Variants in CFAP45 observed in about 807,000 individuals in gnomAD.
The protein encoded by CFAP45 is cilia- and flagella-associated protein 45.
Under a neutral mutation model 75.6 loss-of-function variants are expected in CFAP45, and 43 were observed. The observed-to-expected ratio is 0.57, with a 90% CI of 0.45 to 0.73. The LOEUF is 0.73. CFAP45 is among the 30% of genes least tolerant of loss of function. CFAP45 has a pLI of 0.00. For missense variants in CFAP45, 689 were observed against 701.5 expected, an observed-to-expected ratio of 0.98 and a Z score of 0.20; for synonymous variants, 223 against 244.6, an observed-to-expected ratio of 0.91 and a Z score of 0.82.
chr1:159,895,692 T>A (rs904013942), intron 1 of CFAP45, among the ~76,000 whole-genome samples: 3 of 152,216 alleles, frequency 2.0e-5, no homozygotes, highest in African/African-American at 7.2e-5. Flanking sequence ...GGATGCCTAA[T>A]AACAGCCTCT....
chr1:159,876,514 C>T, intron 10 of CFAP45, 42 bp downstream of exon 10: 2 of 1,392,536 alleles, frequency 1.4e-6, no homozygotes, highest in Non-Finnish European at 2.0e-6. Flanking sequence ...ATCCCTGCTA[C>T]AGTACAAGGA....
chr1:159,872,718 G>A (rs1476766173), intron 11 of CFAP45, among the ~76,000 whole-genome samples, 155 bp from the exon 12 acceptor site: 1 of 152,152 alleles, frequency 6.6e-6, no homozygotes, highest in African/African-American at 2.4e-5. Context: ...TCATGCCAAG[G>A]CTCCAGCATC....
At chr1:159,893,154 A>T (rs769182800) in intron 2 of CFAP45, 26 bp downstream of exon 2, 61 of 1,612,516 alleles carry the variant, frequency 3.8e-5, no homozygotes, top group Non-Finnish European at 5.0e-5. Context: ...GGTGGCATCA[A>T]CTTGAAAGGA....
chr1:159,887,378 GC>G (rs920696344), intron 5 of CFAP45, among the ~76,000 whole-genome samples: 4 of 152,224 alleles, frequency 2.6e-5, no homozygotes, highest in Admixed American at 2.0e-4. Context: ...ATTCAAATGA[GC>G]CTCTGGTCTT....
chr1:159,893,195 G>A lies in CFAP45; in HGVS notation c.114C>T (p.Leu38=). 3 of 1,614,008 alleles carry A rather than the reference G, an allele frequency of 1.9e-6. No homozygotes were observed. Among genetic ancestry groups the A allele is most frequent in the Non-Finnish European group, 2.5e-6 (3 of 1,179,898 alleles). Residue 38 remains leucine (L), a synonymous_variant, in exon 2 of 12, where the codon CTC becomes CTT. Coordinates refer to ENST00000368099, the MANE Select transcript of CFAP45 (RefSeq NM_012337.3). The part of the protein sequence containing the change: ...KAVSSEVDES[L]FGDIKSPAQG... Reference sequence around the variant, plus strand: ...TGAGGATTACCTTGATATCTCCAAAGAGGCTCTCATCCACCTCAGAGCTCA... The same window carrying A: ...TGAGGATTACCTTGATATCTCCAAAAAGGCTCTCATCCACCTCAGAGCTCA...
chr1:159,876,727 T>G lies in CFAP45; in HGVS notation c.1181A>C (p.Asn394Thr). ...AEQDALRAKR[N>T]QEVADREWRR... is the part of the protein sequence containing the mutation. ...CCACTCTCTGTCTGCAACCTCCTGG[T>G]TGCGCTTGGCCCGCAAGGCATCCTG... The change falls in exon 10 of 12, where the codon AAC becomes ACC. Residue 394 changes from asparagine to threonine, a missense_variant. By Grantham distance (65) the Asn-to-Thr change is moderately conservative. Coordinates refer to ENST00000368099, the MANE Select transcript of CFAP45 (RefSeq NM_012337.3). 1.9e-6 allele frequency: 3 copies of G among 1,614,206 alleles called. No homozygotes were observed. The highest frequency in any genetic ancestry group is 2.5e-6 in the Non-Finnish European group (3 of 1,180,034).
chr1:159,900,108 C>T lies in CFAP45; in HGVS notation c.-10G>A, dbSNP rs1305555088. Reference sequence around the variant, plus strand: ...GGTTCTCCCTCACCATCTCCTCAGCCACACGCCCTGACTCCGGACTTCTGC... The same window carrying T: ...GGTTCTCCCTCACCATCTCCTCAGCTACACGCCCTGACTCCGGACTTCTGC... On this transcript the variant is annotated 5_prime_UTR_variant, in exon 1 of 12. Transcript: ENST00000368099. 2 of 1,614,038 alleles carry T rather than the reference C, an allele frequency of 1.2e-6. No homozygotes were observed. Among genetic ancestry groups the T allele is most frequent in the Non-Finnish European group, 1.7e-6 (2 of 1,180,018 alleles).
chr1:159,894,401 C>T (rs1055897539), intron 1 of CFAP45, among the ~76,000 whole-genome samples: 28 of 152,352 alleles, frequency 1.8e-4, no homozygotes, highest in South Asian at 1.2e-3. Flanking sequence ...ACAAATGACG[C>T]TACTGTTTGA....
chr1:159,876,602 C>G lies in CFAP45; in HGVS notation c.1306G>C (p.Ala436Pro). The G allele has an allele frequency of 6.2e-7, 1 of 1,614,198 alleles. No homozygotes were observed. Among genetic ancestry groups the G allele is most frequent in the East Asian group, 2.2e-5 (1 of 44,882 alleles). The change falls in exon 10 of 12, where the codon GCT becomes CCT. Residue 436 changes from alanine (A) to proline (P), a missense_variant. Physicochemically the swap from Ala to Pro is conservative, Grantham distance 27. Coordinates refer to ENST00000368099, the MANE Select transcript of CFAP45 (RefSeq NM_012337.3). ...EQVAFKEHALAVQVQRDRDEF... is the reference protein window; with the variant it reads ...EQVAFKEHALPVQVQRDRDEF... ...TCCCGGTCCCGTTGCACCTGAACAG[C>G]CAGAGCGTGCTCCTTGAAAGCCACC...
intron 2 of CFAP45, among the ~76,000 whole-genome samples, chr1:159,891,348 G>A (rs938539835): frequency 2.6e-5 from 4 of 151,914 alleles, no homozygotes; most frequent in East Asian, 1.9e-4. Flanking sequence ...TCTTTCTTAC[G>A]ATTAAATTAC....
chr1:159,889,834 C>T (rs4656857), intron 3 of CFAP45, among the ~76,000 whole-genome samples: 84,467 of 152,090 alleles, frequency 0.56, 26,335 homozygotes, highest in East Asian at 0.76. Context: ...TGGGTGGAGC[C>T]AGGGCAGGGA....
chr1:159,872,632 T>G, intron 11 of CFAP45, 69 bp from the exon 12 acceptor site: 1 of 1,399,788 alleles, frequency 7.1e-7, no homozygotes, highest in East Asian at 2.3e-5. Flanking sequence ...GGAAGCAGGC[T>G]CTGGGTGGGG....
intron 8 of CFAP45, among the ~76,000 whole-genome samples, chr1:159,877,820 T>A (rs1649439448): frequency 6.6e-6 from 1 of 151,972 alleles, no homozygotes; most frequent in Admixed American, 6.6e-5. Context: ...GAGGATGCAG[T>A]GAATCATGAT....
chr1:159,877,722 T>TA (rs1181268193), intron 8 of CFAP45, among the ~76,000 whole-genome samples: 1 of 151,934 alleles, frequency 6.6e-6, no homozygotes, highest in African/African-American at 2.4e-5. Context: ...ACTAGAAATC[T>TA]AAAAATTAGC....
At chr1:159,898,040 G>C in intron 1 of CFAP45, 1 of 881,302 alleles carries the variant, frequency 1.1e-6, no homozygotes. Context: ...GTTCAGGAAA[G>C]ATATGTCTTT....
chr1:159,886,292 A>G (rs1649675778), intron 6 of CFAP45, among the ~76,000 whole-genome samples: 1 of 151,938 alleles, frequency 6.6e-6, no homozygotes, highest in South Asian at 2.1e-4. Context: ...GTGAGCCGAG[A>G]TTATGCCACT....
At chr1:159,888,247 G>T in intron 4 of CFAP45, 105 bp downstream of exon 4, 2 of 1,230,388 alleles carry the variant, frequency 1.6e-6, no homozygotes, top group Non-Finnish European at 2.3e-6. Context: ...TCTTCATTAA[G>T]TACATAATTT....
intron 7 of CFAP45, 35 bp from the exon 8 acceptor site, chr1:159,880,735 A>C (rs1649529708): frequency 1.2e-6 from 2 of 1,610,746 alleles, no homozygotes; most frequent in East Asian, 4.5e-5. Context: ...CAGAGTACAA[A>C]GAGGTAAGAC....
intron 1 of CFAP45, chr1:159,898,357 G>A (rs769038370): frequency 3.4e-5 from 13 of 387,632 alleles, no homozygotes; most frequent in Non-Finnish European, 4.2e-5. Flanking sequence ...ATTTTTGTAA[G>A]AGTTCTGGAA....
Sources: gnomAD v4.1 joint callset for allele counts (sites outside exome capture counted in the v4.1 genomes callset) on GRCh38, gnomAD v4.1.1 for gene constraint, MANE v1.5 for transcripts, NCBI Gene and HGNC (gene_info 2026-07-23, HGNC 2026-07-21) for gene names.